Variants in HDAC7 observed in about 807,000 individuals in gnomAD.
HDAC7 encodes the protein histone deacetylase 7.
HDAC7 carries 26 observed loss-of-function variants against 115.5 expected under a neutral mutation model. The observed-to-expected ratio is 0.23, with a 90% confidence interval of 0.16 to 0.31. The LOEUF is 0.31. HDAC7 is among the 10% of genes least tolerant of loss of function. HDAC7 has a pLI of 1.00. For synonymous variants in HDAC7, 564 were observed against 550.9 expected (o/e 1.02, Z -0.33); for missense variants, 1,068 against 1,329.0 (o/e 0.80, Z 3.05).
chr12:47,810,838 C>A (rs1029103455), intron 1 of HDAC7, among the ~76,000 whole-genome samples: 72 of 88,704 alleles, frequency 8.1e-4, no homozygotes. Flanking sequence ...CTCTCTCTCT[C>A]TCTCTCTCTA....
chr12:47,821,151 CA>C (rs944833401), upstream of HDAC7, among the ~76,000 whole-genome samples: 2 of 152,194 alleles, frequency 1.3e-5, no homozygotes, highest in African/African-American at 4.8e-5. Context: ...TAAGAAACCC[CA>C]AGAATCCAGA....
intron 12 of HDAC7, among the ~76,000 whole-genome samples, chr12:47,794,114 G>T (rs996799679): frequency 6.6e-6 from 1 of 152,154 alleles, no homozygotes; most frequent in East Asian, 1.9e-4. Context: ...GTCCTTATAG[G>T]AAGAGGAAAT....
chr12:47,798,804 C>G lies in HDAC7; in HGVS notation c.239G>C (p.Arg80Pro), dbSNP rs778723878. 6.4e-7 allele frequency: 1 copy of G among 1,557,382 alleles called. No homozygotes were observed. Among genetic ancestry groups the G allele is most frequent in the South Asian group, 1.2e-5 (1 of 84,536 alleles). Residue 80 changes from arginine (R) to proline (P), a missense_variant, in exon 3 of 26, where the codon CGC becomes CCC. By Grantham distance (103) the Arg-to-Pro change is moderately radical. This residue lies in a region of HDAC7 where 161 missense variants were observed against 158.5 expected (regional missense o/e 1.02). Transcript: ENST00000080059. This position sits in a 1 kb window ranked among gnomAD's most constrained non-coding sequence, Gnocchi z 4.3. Reference sequence around the variant, plus strand: ...CTTTACCCTCATGGGCTCCACCGAGCGCTGCTGCTGCAGGCCTGCTAGGAA... The same window carrying G: ...CTTTACCCTCATGGGCTCCACCGAGGGCTGCTGCTGCAGGCCTGCTAGGAA... ...HLFLAGLQQQ[R>P]SVEPMRLSMD...
intron 24 of HDAC7, chr12:47,785,114 G>A: frequency 1.8e-6 from 1 of 559,156 alleles, no homozygotes; most frequent in Non-Finnish European, 3.2e-6. Context: ...CCTGGCCCTG[G>A]TCTAGGGCTG....
chr12:47,802,460 T>C, intron 1 of HDAC7, 186 bp from the exon 2 acceptor site: 1 of 1,551,302 alleles, frequency 6.4e-7, no homozygotes, highest in Non-Finnish European at 8.7e-7. Context: ...CCAGTCCCCC[T>C]GCTGGTGAAA....
chr12:47,792,034 C>A, intron 13 of HDAC7, 30 bp from the exon 14 acceptor site: 2 of 1,579,076 alleles, frequency 1.3e-6, no homozygotes, highest in Non-Finnish European at 8.6e-7. Flanking sequence ...AGCGGGGACC[C>A]AGGGAGTCCT....
At chr12:47,799,501 C>G (rs748784114) in intron 2 of HDAC7, among the ~76,000 whole-genome samples, 2 of 152,248 alleles carry the variant, frequency 1.3e-5, no homozygotes, top group African/African-American at 2.4e-5. Context: ...CTCCCATGCT[C>G]TATCCCCAGT....
chr12:47,799,108 A>G (rs781695019), intron 2 of HDAC7, 136 bp from the exon 3 acceptor site: 3 of 618,420 alleles, frequency 4.9e-6, no homozygotes, highest in Non-Finnish European at 8.3e-6. Flanking sequence ...TTCCTCACTT[A>G]ATCCTGTCGT....
At chr12:47,789,041 G>A in intron 19 of HDAC7, 1 of 562,410 alleles carries the variant, frequency 1.8e-6, no homozygotes, top group Non-Finnish European at 3.2e-6. Context: ...CCTACTCGTT[G>A]CAGGGGTTTG....
At chr12:47,788,914 G>A in intron 19 of HDAC7, 1 of 262,244 alleles carries the variant, frequency 3.8e-6, no homozygotes, top group Non-Finnish European at 7.4e-6. Flanking sequence ...GATTAGTGGT[G>A]TACTGATGTT....
rs1482362132 is a variant in HDAC7, at chr12:47,795,599, G to A, written c.1075C>T (p.Pro359Ser). ...LLLDPSGSHA[P>S]LLTVPGLGPL... ...GCAGCAGACTCACCAGTCAGCAGCG[G>A]GGCATGAGAGCCTGAGGGGTCCAGG... The change falls in exon 10 of 26, where the codon CCG (proline) becomes TCG (serine). Residue 359 changes from proline (P) to serine (S), a missense_variant. Pro to Ser is a moderately conservative substitution (Grantham distance 74). Coordinates refer to ENST00000080059, the MANE Select transcript of HDAC7 (RefSeq NM_015401.5). The surrounding 1 kb of genome is among the most constrained non-coding windows in gnomAD (Gnocchi z 4.3). The A allele has an allele frequency of 1.3e-6, 2 of 1,561,168 alleles. No homozygotes were observed. Among genetic ancestry groups the A allele is most frequent in the South Asian group, 1.2e-5 (1 of 84,714 alleles).
At chr12:47,818,768 G>A (rs1944919640) in intron 1 of HDAC7, among the ~76,000 whole-genome samples, 1 of 152,248 alleles carries the variant, frequency 6.6e-6, no homozygotes, top group South Asian at 2.1e-4. Context: ...GAGACAGCCA[G>A]TGTCCAGATG....
In HDAC7 at chr12:47,793,240, T is replaced by G; in HGVS notation, c.1678+129A>C. On this transcript the variant is annotated intron_variant, in intron 13 of 25. Transcript: ENST00000080059. The surrounding 1 kb of genome is among the most constrained non-coding windows in gnomAD (Gnocchi z 4.5). ...CCAGCTGTTCCATGTGCTCCATGGGTACTACGTGGGCCTAACAAGGCTAAG... is the reference window on the plus strand; with the variant it reads ...CCAGCTGTTCCATGTGCTCCATGGGGACTACGTGGGCCTAACAAGGCTAAG... 1 of 660,382 alleles carries G rather than the reference T, an allele frequency of 1.5e-6. No individual in the cohort carries two copies. Among genetic ancestry groups the G allele is most frequent in the East Asian group, 2.8e-5 (1 of 35,702 alleles). The allele number at this position is 660,382 out of a possible 1,614,324, so 40.9% of individuals were successfully genotyped here.
Position 47,798,250 on chromosome 12 carries a change from G to T in HDAC7, c.350-31C>A. On this transcript the variant is annotated intron_variant, in intron 4 of 25. Coordinates refer to ENST00000080059, the MANE Select transcript of HDAC7 (RefSeq NM_015401.5). This position sits in a 1 kb window ranked among gnomAD's most constrained non-coding sequence, Gnocchi z 4.3. ...GGGGCAGAGTCAGGAGGGGGCTGGA[G>T]GTGGGTGGACAGGCGGCCTCGTGGC... 6.4e-7 allele frequency: 1 copy of T among 1,559,142 alleles called. No homozygotes were observed. Among genetic ancestry groups the T allele is most frequent in the Non-Finnish European group, 8.8e-7 (1 of 1,130,932 alleles).
chr12:47,790,089 C>G, intron 16 of HDAC7, 169 bp from the exon 17 acceptor site: 1 of 606,908 alleles, frequency 1.6e-6, no homozygotes, highest in South Asian at 1.9e-5. Flanking sequence ...CTGTGTCCCC[C>G]AATCCCAGCA....
At chr12:47,810,443 G>A (rs539664428) in intron 1 of HDAC7, among the ~76,000 whole-genome samples, 6 of 152,292 alleles carry the variant, frequency 3.9e-5, no homozygotes, top group African/African-American at 1.4e-4. Flanking sequence ...AAGGGGACAA[G>A]GGGATGCAAG....
intron 19 of HDAC7, 66 bp from the exon 20 acceptor site, chr12:47,788,230 G>C: frequency 6.6e-7 from 1 of 1,514,472 alleles, no homozygotes; most frequent in Non-Finnish European, 8.9e-7. Context: ...GGTTAGAAGG[G>C]TTTCAAGGTC....
Position 47,785,753 on chromosome 12 carries a change from C to T in HDAC7, c.2705G>A (p.Arg902Lys). 2 of 1,605,138 alleles carry T rather than the reference C, an allele frequency of 1.2e-6. No individual in the cohort carries two copies. The highest frequency in any genetic ancestry group is 2.2e-5 in the East Asian group (1 of 44,582). Residue 902 changes from arginine (R) to lysine (K), a missense_variant and splice_region_variant, in exon 23 of 26, where the codon AGG (arginine) becomes AAG (lysine). Arg to Lys is a conservative substitution (Grantham distance 26, BLOSUM62 2). This residue lies in a region of HDAC7 where 98 missense variants were observed against 123.9 expected (regional missense o/e 0.79). Coordinates refer to ENST00000080059, the MANE Select transcript of HDAC7 (RefSeq NM_015401.5). Reference sequence around the variant, plus strand: ...GGATGGGGGAGGGAGACGGCTCACCCTGTTACCCAGAAGAGCAGCCACACA... The same window carrying T: ...GGATGGGGGAGGGAGACGGCTCACCTTGTTACCCAGAAGAGCAGCCACACA... The part of the protein sequence containing the change: ...EACVAALLGN[R>K]VDPLSEEGWK...
chr12:47,812,009 C>T (rs1053037057), intron 1 of HDAC7, among the ~76,000 whole-genome samples: 15 of 152,244 alleles, frequency 9.9e-5, no homozygotes, highest in African/African-American at 3.6e-4. Flanking sequence ...CTCCTCTGTT[C>T]TTCATAAGAG....
Sources: allele counts gnomAD v4.1 joint callset (sites outside exome capture counted in the v4.1 genomes callset), GRCh38; gene constraint gnomAD v4.1.1; regional missense constraint gnomAD v4.1.1; non-coding constraint Gnocchi (gnomAD v3.1); transcripts MANE v1.5; gene names NCBI Gene and HGNC (gene_info 2026-07-23, HGNC 2026-07-21).